The following CFAP77 variants were observed in gnomAD, a reference collection of about 807,000 sequenced individuals.
The protein encoded by CFAP77 is cilia- and flagella-associated protein 77.
Under a neutral mutation model 31.1 loss-of-function variants are expected in CFAP77, and 25 were observed. That is an observed-to-expected ratio of 0.80 (90% confidence interval 0.59 to 1.12). CFAP77 has a LOEUF of 1.12. Ranked by LOEUF, CFAP77 falls within the 50% of genes most tolerant of loss-of-function variation. CFAP77 has a pLI of 0.00. For missense variants in CFAP77, 377 were observed against 397.3 expected, an observed-to-expected ratio of 0.95 and a Z score of 0.44; for synonymous variants, 151 against 159.9, an observed-to-expected ratio of 0.94 and a Z score of 0.42.
Position 132,455,729 on chromosome 9 carries a change from A to AAAAAC in CFAP77, c.196-42951_196-42947dup, listed in dbSNP as rs748805934. Among the ~76,000 whole-genome samples the AAAAAC allele has an allele frequency of 7.9e-5, 12 of 152,230 alleles. No homozygotes were observed. In the South Asian group the frequency reaches 8.3e-4, roughly 11 times the overall value. On this transcript the variant is annotated intron_variant, in intron 1 of 5. Transcript: ENST00000393216. This position sits in a 1 kb window ranked among gnomAD's most constrained non-coding sequence, Gnocchi z 4.1. ...CTGGGTGACAGAGCAAGACTGTCTC[A>AAAAAC]AAAACAAAACAAAACAAAAAAGCAA... is the stretch of plus-strand genomic sequence containing the variant.
At chr9:132,520,176 A>G (rs1852244154) in intron 3 of CFAP77, among the ~76,000 whole-genome samples, 1 of 151,294 alleles carries the variant, frequency 6.6e-6, no homozygotes, top group South Asian at 2.1e-4. Flanking sequence ...TAGTACATTC[A>G]TAAAGCCTTT....
Position 132,478,568 on chromosome 9 carries a change from G to A in CFAP77, c.196-20127G>A, listed in dbSNP as rs115662047. ...CAAAAGCTCCCTGACAGCCCTGTCG[G>A]CGTGAGGTGTCCTATTTGAAAAGAT... is the stretch of plus-strand genomic sequence containing the variant. On this transcript the variant is annotated intron_variant, in intron 1 of 5. Coordinates refer to ENST00000393216, the MANE Select transcript of CFAP77 (RefSeq NM_001282957.2). Among the ~76,000 whole-genome samples the A allele has an allele frequency of 4.4e-3, 665 of 152,296 alleles. 4 individuals are homozygous for A. The highest frequency in any genetic ancestry group is 0.015 in the African/African-American group (615 of 41,556).
intron 1 of CFAP77, among the ~76,000 whole-genome samples, chr9:132,456,248 G>C (rs1679999426): frequency 1.3e-5 from 2 of 152,152 alleles, no homozygotes; most frequent in Admixed American, 6.5e-5. Flanking sequence ...CTCAGAATGG[G>C]TGACTGAGGA....
At position 132,529,508 on chromosome 9, in the gene CFAP77, A is replaced by T. The variant is rs1283800541; in HGVS notation, c.525-8093A>T. Among the ~76,000 whole-genome samples, 19 of 68,958 alleles carry T rather than the reference A, an allele frequency of 2.8e-4. 2 individuals carry two copies. The highest frequency in any genetic ancestry group is 4.2e-4 in the Non-Finnish European group (15 of 35,472). The allele number at this position is 68,958 out of a possible 152,430, so 45.2% of individuals were successfully genotyped here. A position where few individuals can be genotyped will look rare whatever the true frequency, so the allele number is the denominator to read the frequency against. On this transcript the variant is annotated intron_variant, in intron 3 of 5. Coordinates refer to ENST00000393216, the MANE Select transcript of CFAP77 (RefSeq NM_001282957.2). ...TGTACCCTAAAACTTAGAGTATAATAAAAAAAAAAAACAAAAAAAAAACTA... is the reference window on the plus strand; with the variant it reads ...TGTACCCTAAAACTTAGAGTATAATTAAAAAAAAAAACAAAAAAAAAACTA...
intron 1 of CFAP77, among the ~76,000 whole-genome samples, chr9:132,411,288 T>G (rs1194727973): frequency 6.6e-6 from 1 of 152,186 alleles, no homozygotes; most frequent in Non-Finnish European, 1.5e-5. Flanking sequence ...GCGTCCCAGG[T>G]GCGGGAGTGG....
Position 132,445,558 on chromosome 9 carries a change from T to G in CFAP77, c.195+35092T>G, listed in dbSNP as rs116659444. Among the ~76,000 whole-genome samples, 786 of 152,234 alleles carry G rather than the reference T, an allele frequency of 5.2e-3. 19 individuals are homozygous for G. Among genetic ancestry groups the G allele is most frequent in the African/African-American group, 0.018 (747 of 41,552 alleles). On this transcript the variant is annotated intron_variant, in intron 1 of 5. Transcript: ENST00000393216. ...CTGCTATGAAGATGGGGGCACAGGT[T>G]ATTGGCTTTTGAAAAACAAAATAAA...
chr9:132,481,125 C>T lies in CFAP77; in HGVS notation c.196-17570C>T, dbSNP rs1851439203. Among the ~76,000 whole-genome samples the T allele has an allele frequency of 6.6e-6, 1 of 152,174 alleles. No individual in the cohort carries two copies. The highest frequency in any genetic ancestry group is 1.5e-5 in the Non-Finnish European group (1 of 68,030). ...TGCTTTGCACACCCACAAAGCCACA[C>T]TCGTGTCTGCCGGCCATGGATACGA... On this transcript the variant is annotated intron_variant, in intron 1 of 5. Transcript: ENST00000393216. The surrounding 1 kb of genome is among the most constrained non-coding windows in gnomAD (Gnocchi z 5.0).
intron 3 of CFAP77, among the ~76,000 whole-genome samples, chr9:132,512,888 A>C (rs980602286): frequency 6.6e-6 from 1 of 152,258 alleles, no homozygotes; most frequent in Non-Finnish European, 1.5e-5. Context: ...TGGAGGTTGC[A>C]GTGAGCTGAG....
intron 1 of CFAP77, among the ~76,000 whole-genome samples, chr9:132,452,911 A>T (rs1025179432): frequency 1.3e-5 from 2 of 152,228 alleles, no homozygotes; most frequent in African/African-American, 4.8e-5. Flanking sequence ...AAGGAGTTCC[A>T]TTCCTAATAT....
At chr9:132,451,057 C>T (rs1850817129) in intron 1 of CFAP77, among the ~76,000 whole-genome samples, 1 of 152,166 alleles carries the variant, frequency 6.6e-6, no homozygotes, top group Admixed American at 6.5e-5. Flanking sequence ...ATGAATTGGT[C>T]CGGGCACGGT....
At chr9:132,543,746 A>C (rs1024265259) in intron 5 of CFAP77, among the ~76,000 whole-genome samples, 1 of 152,218 alleles carries the variant, frequency 6.6e-6, no homozygotes, top group Non-Finnish European at 1.5e-5. Flanking sequence ...GACCTAGATA[A>C]GGACCCAGGG....
In CFAP77 at chr9:132,410,332, G is replaced by C. The variant is rs1269911539; in HGVS notation, c.61G>C (p.Val21Leu). ...GCGATGGAGGAAGCAGCAGCAGCCT[G>C]TGCGCCGCACGGTCAGCCAGGTCTG... ...LTRWRKQQQP[V>L]RRTVSQVCPP... The change falls in exon 1 of 6, where the codon GTG (valine) becomes CTG (leucine). Residue 21 changes from valine (V) to leucine (L), a missense_variant. Transcript: ENST00000393216. 1 of 1,598,526 alleles carries C rather than the reference G, an allele frequency of 6.3e-7. No homozygotes were observed. Among genetic ancestry groups the C allele is most frequent in the Admixed American group, 1.7e-5 (1 of 58,882 alleles).
intron 1 of CFAP77, among the ~76,000 whole-genome samples, chr9:132,487,906 G>A (rs1374100187): frequency 5.9e-5 from 9 of 152,056 alleles, no homozygotes; most frequent in Non-Finnish European, 1.3e-4. Context: ...ATCACAATTT[G>A]CATTTATATT....
intron 1 of CFAP77, among the ~76,000 whole-genome samples, chr9:132,462,478 C>T (rs879575952): frequency 1.3e-5 from 2 of 152,112 alleles, no homozygotes; most frequent in African/African-American, 2.4e-5. Flanking sequence ...GGCTTCTGTG[C>T]CCCCACTCCA....
At chr9:132,446,190 A>G (rs1056717962) in intron 1 of CFAP77, among the ~76,000 whole-genome samples, 2 of 152,100 alleles carry the variant, frequency 1.3e-5, no homozygotes, top group Non-Finnish European at 2.9e-5. Flanking sequence ...GATATTTTTC[A>G]TTATGGAAAA....
chr9:132,540,020 C>T (rs1244061045), intron 4 of CFAP77, among the ~76,000 whole-genome samples: 1 of 152,178 alleles, frequency 6.6e-6, no homozygotes, highest in African/African-American at 2.4e-5. Context: ...CAACCTCCGC[C>T]TCCTGGGTTC....
intron 1 of CFAP77, among the ~76,000 whole-genome samples, chr9:132,468,552 C>T (rs1445025306): frequency 3.3e-5 from 5 of 152,116 alleles, no homozygotes; most frequent in Non-Finnish European, 7.3e-5. Context: ...ACTCAAATGT[C>T]CCTCCCTCCA....
rs141344128 is a variant in CFAP77, at chr9:132,442,655, C to CT, written c.195+32200dup. Reference sequence around the variant, plus strand: ...TGTACTTGGAGATAATCATGCCCATCTTTTTTTTTTTCATCGAGGCAAAAT... The same window carrying CT: ...TGTACTTGGAGATAATCATGCCCATCTTTTTTTTTTTTCATCGAGGCAAAAT... On this transcript the variant is annotated intron_variant, in intron 1 of 5. Transcript: ENST00000393216. 6.7e-4 allele frequency among the ~76,000 whole-genome samples: 99 copies of CT among 147,032 alleles called. 1 individual carries two copies. The highest frequency in any genetic ancestry group is 4.3e-3 in the South Asian group (20 of 4,616).
chr9:132,537,634 C>A lies in CFAP77; in HGVS notation c.558C>A (p.His186Gln). 1 of 1,613,410 alleles carries A rather than the reference C, an allele frequency of 6.2e-7. No individual in the cohort carries two copies. Among genetic ancestry groups the A allele is most frequent in the Non-Finnish European group, 8.5e-7 (1 of 1,179,650 alleles). Residue 186 changes from histidine (H) to glutamine (Q), a missense_variant, in exon 4 of 6, where the codon CAC (histidine) becomes CAA (glutamine). Physicochemically the swap from His to Gln is conservative, Grantham distance 24. Coordinates refer to ENST00000393216, the MANE Select transcript of CFAP77 (RefSeq NM_001282957.2). ...PSTPFFDLLQ[H>Q]RYLQLWVQEQ... Reference sequence around the variant, plus strand: ...CACCCTTCTTTGATCTGCTGCAGCACCGGTACCTGCAGCTGTGGGTACAGG... The same window carrying A: ...CACCCTTCTTTGATCTGCTGCAGCAACGGTACCTGCAGCTGTGGGTACAGG...
Sources: allele counts gnomAD v4.1 joint callset (sites outside exome capture counted in the v4.1 genomes callset), GRCh38; gene constraint gnomAD v4.1.1; non-coding constraint Gnocchi (gnomAD v3.1); transcripts MANE v1.5; gene names NCBI Gene and HGNC (gene_info 2026-07-23, HGNC 2026-07-21).